MALRD1: variants seen among roughly 807,000 people sequenced by gnomAD.
MALRD1 encodes the protein MAM and LDL-receptor class A domain-containing protein 1.
A neutral mutation model predicts 242.1 loss-of-function variants in MALRD1; 247 were observed. That is an observed-to-expected ratio of 1.02 (90% CI 0.92 to 1.13). The LOEUF is 1.13. Among genes scored for constraint, MALRD1 ranks in the 50% most tolerant of loss-of-function variants. MALRD1 has a pLI of 0.00. For missense variants in MALRD1, 2,989 were observed against 2,533.1 expected, an observed-to-expected ratio of 1.18 and a Z score of -3.86; for synonymous variants, 995 against 866.6, an observed-to-expected ratio of 1.15 and a Z score of -2.60.
intron 28 of MALRD1, among the ~76,000 whole-genome samples, chr10:19,396,868 G>A (rs1846607805): frequency 6.6e-6 from 1 of 152,114 alleles, no homozygotes; most frequent in South Asian, 2.1e-4. Context: ...TCTAGTAACA[G>A]TTACTGCATT....
At chr10:19,721,325 T>C (rs1834738968) in intron 38 of MALRD1, among the ~76,000 whole-genome samples, 1 of 152,132 alleles carries the variant, frequency 6.6e-6, no homozygotes, top group Non-Finnish European at 1.5e-5. Context: ...ATTGAAGACT[T>C]TAAAATGAGA....
At chr10:19,250,743 T>C (rs1839259794) in intron 18 of MALRD1, among the ~76,000 whole-genome samples, 1 of 151,836 alleles carries the variant, frequency 6.6e-6, no homozygotes, top group African/African-American at 2.4e-5. Flanking sequence ...TTAGAGATGA[T>C]GTGTGTGATG....
chr10:19,383,592 A>G (rs1166328929), intron 26 of MALRD1, among the ~76,000 whole-genome samples: 1 of 152,036 alleles, frequency 6.6e-6, no homozygotes. Flanking sequence ...GAGAGTTACT[A>G]AGTACATACC....
At chr10:19,144,226 C>T (rs1181472231) in intron 10 of MALRD1, among the ~76,000 whole-genome samples, 1 of 152,186 alleles carries the variant, frequency 6.6e-6, no homozygotes, top group African/African-American at 2.4e-5. Flanking sequence ...TATGGATGCT[C>T]AAGTCCCTGG....
intron 28 of MALRD1, among the ~76,000 whole-genome samples, chr10:19,445,179 A>G (rs185852341): frequency 6.6e-5 from 10 of 152,154 alleles, no homozygotes; most frequent in Middle Eastern, 3.4e-3. Flanking sequence ...GGTCTTATTT[A>G]TGCTGTTTTT....
chr10:19,581,970 A>G (rs1182668141), intron 33 of MALRD1, among the ~76,000 whole-genome samples: 1 of 152,210 alleles, frequency 6.6e-6, no homozygotes, highest in Non-Finnish European at 1.5e-5. Context: ...TCTGATGGCC[A>G]GTGATGGTGA....
intron 21 of MALRD1, among the ~76,000 whole-genome samples, chr10:19,312,380 A>T (rs553444224): frequency 2.8e-5 from 4 of 140,978 alleles, no homozygotes; most frequent in Admixed American, 2.1e-4. Context: ...AGGAATGTGT[A>T]TATATATATA....
chr10:19,171,457 T>TACACAC (rs60515694), intron 13 of MALRD1, among the ~76,000 whole-genome samples: 6,131 of 74,474 alleles, frequency 0.082, 460 homozygotes, highest in Non-Finnish European at 0.13. Flanking sequence ...TATATATATA[T>TACACAC]ACACACATGT....
chr10:19,329,559 A>C (rs1843276813), intron 23 of MALRD1, among the ~76,000 whole-genome samples: 1 of 152,172 alleles, frequency 6.6e-6, no homozygotes, highest in African/African-American at 2.4e-5. Context: ...CTTATGAATT[A>C]CATAGTATTA....
intron 35 of MALRD1, among the ~76,000 whole-genome samples, chr10:19,613,571 T>C (rs1171371473): frequency 2.6e-5 from 4 of 152,028 alleles, no homozygotes; most frequent in African/African-American, 9.7e-5. Context: ...CAGGCAACCA[T>C]TATATTTTTG....
At chr10:19,112,847 A>T (rs887318874) in intron 5 of MALRD1, among the ~76,000 whole-genome samples, 6 of 152,130 alleles carry the variant, frequency 3.9e-5, no homozygotes, top group African/African-American at 7.2e-5. Flanking sequence ...GTAAACTCCA[A>T]TTTTCTTTCA....
intron 19 of MALRD1, among the ~76,000 whole-genome samples, chr10:19,279,589 G>A (rs1395393488): frequency 6.6e-6 from 1 of 152,176 alleles, no homozygotes. Context: ...ACTCTTTCCT[G>A]AAACCTTGAA....
chr10:19,190,286 C>A (rs1835915266), intron 14 of MALRD1, among the ~76,000 whole-genome samples: 1 of 151,936 alleles, frequency 6.6e-6, no homozygotes, highest in Admixed American at 6.6e-5. Flanking sequence ...AAAAACATTT[C>A]TGAAATAAAT....
intron 28 of MALRD1, among the ~76,000 whole-genome samples, chr10:19,440,333 C>G (rs1834566278): frequency 6.6e-6 from 1 of 151,826 alleles, no homozygotes; most frequent in Admixed American, 6.6e-5. Flanking sequence ...TTATCTATAG[C>G]TTAAAACCCA....
intron 27 of MALRD1, among the ~76,000 whole-genome samples, chr10:19,388,049 G>A (rs1400861538): frequency 6.6e-6 from 1 of 152,110 alleles, no homozygotes; most frequent in Non-Finnish European, 1.5e-5. Context: ...GGGTTGTGAG[G>A]GAGCATGATC....
At chr10:19,545,663 A>T (rs887747641) in intron 32 of MALRD1, among the ~76,000 whole-genome samples, 1 of 151,772 alleles carries the variant, frequency 6.6e-6, no homozygotes, top group Non-Finnish European at 1.5e-5. Flanking sequence ...TGGAAATTTA[A>T]TGAGCCCTCA....
chr10:19,515,166 C>T (rs1833571145), intron 31 of MALRD1, among the ~76,000 whole-genome samples: 1 of 151,734 alleles, frequency 6.6e-6, no homozygotes, highest in Non-Finnish European at 1.5e-5. Flanking sequence ...CATAGCTTAC[C>T]ATCTTTATAT....
rs768619358 is a variant in MALRD1, at chr10:19,730,793, G to C, written c.6390+12G>C. ...CAGAGAAAACAGAGGTAAGTGGCAAGGGTGAACTATATCTTTTCACACATA... is the reference window on the plus strand; with the variant it reads ...CAGAGAAAACAGAGGTAAGTGGCAACGGTGAACTATATCTTTTCACACATA... On this transcript the variant is annotated intron_variant, in intron 39 of 39. Transcript: ENST00000454679. The C allele has an allele frequency of 2.8e-5, 43 of 1,535,420 alleles. No individual in the cohort carries two copies. Among genetic ancestry groups the C allele is most frequent in the Non-Finnish European group, 3.5e-5 (40 of 1,146,074 alleles).
chr10:19,113,179 C>T (rs1836740597), intron 5 of MALRD1, among the ~76,000 whole-genome samples: 1 of 152,066 alleles, frequency 6.6e-6, no homozygotes, highest in South Asian at 2.1e-4. Flanking sequence ...ACACCTATGG[C>T]CAGGTCTCCA....
Sources: gnomAD v4.1 joint callset for allele counts (sites outside exome capture counted in the v4.1 genomes callset) on GRCh38, gnomAD v4.1.1 for gene constraint, MANE v1.5 for transcripts, NCBI Gene and HGNC (gene_info 2026-07-23, HGNC 2026-07-21) for gene names.